The following PCDH15 variants were observed in gnomAD, a reference collection of about 807,000 sequenced individuals.
The protein encoded by PCDH15 is protocadherin related 15.
In PCDH15, 129 loss-of-function variants were observed where a neutral mutation model predicts 178.5. The ratio of observed to expected loss-of-function variants is 0.72; its 90% confidence interval spans 0.63 to 0.84. The LOEUF (loss-of-function observed/expected upper bound fraction) is 0.84, where lower values mean the gene tolerates loss of function less well. PCDH15 is among the 40% of genes least tolerant of loss of function. The pLI, the probability that PCDH15 is intolerant of heterozygous loss-of-function variation, is 0.00. For synonymous variants in PCDH15, 800 were observed against 732.0 expected, an observed-to-expected ratio of 1.09 and a Z score of -1.50; for missense variants, 2,230 against 2,099.9, an observed-to-expected ratio of 1.06 and a Z score of -1.21.
At chr10:54,724,596 A>G (rs1207447996) in intron 1 of PCDH15, among the ~76,000 whole-genome samples, 1 of 151,594 alleles carries the variant, frequency 6.6e-6, no homozygotes, top group Non-Finnish European at 1.5e-5. Flanking sequence ...CTGAAAAGTT[A>G]TATGTTAATT....
At chr10:55,043,478 G>A (rs2131979581) in intron 2 of PCDH15, among the ~76,000 whole-genome samples, 1 of 152,092 alleles carries the variant, frequency 6.6e-6, no homozygotes, top group East Asian at 1.9e-4. Flanking sequence ...GAGGACCCAG[G>A]CAGGAGGATT....
intron 2 of PCDH15, among the ~76,000 whole-genome samples, chr10:55,128,310 C>A (rs1837955808): frequency 6.6e-6 from 1 of 151,666 alleles, no homozygotes. Flanking sequence ...ATGGCCATTA[C>A]AGACTCAATG....
intron 3 of PCDH15, among the ~76,000 whole-genome samples, chr10:54,494,763 C>G (rs1170079566): frequency 6.6e-6 from 1 of 152,084 alleles, no homozygotes; most frequent in Non-Finnish European, 1.5e-5. Context: ...TGAATAGGGT[C>G]TCTCTTTGCT....
chr10:55,602,329 C>T (rs944858171), intron 2 of PCDH15, among the ~76,000 whole-genome samples: 14 of 145,896 alleles, frequency 9.6e-5, no homozygotes, highest in Non-Finnish European at 2.0e-4. Context: ...CCACAATTGC[C>T]CAGGCTTGCT....
chr10:55,388,356 C>A (rs1837711214), intron 2 of PCDH15, among the ~76,000 whole-genome samples: 1 of 151,932 alleles, frequency 6.6e-6, no homozygotes, highest in African/African-American at 2.4e-5. Flanking sequence ...ACCTTCATTT[C>A]TGTGCTTAAT....
At chr10:54,842,962 T>C (rs1953444449) in intron 3 of PCDH15, among the ~76,000 whole-genome samples, 1 of 151,910 alleles carries the variant, frequency 6.6e-6, no homozygotes, top group African/African-American at 2.4e-5. Flanking sequence ...GTTAATGTAA[T>C]GAAAACTGAC....
At chr10:53,818,717 A>C (rs1251738850) in intron 33 of PCDH15, among the ~76,000 whole-genome samples, 1 of 152,072 alleles carries the variant, frequency 6.6e-6, no homozygotes, top group Non-Finnish European at 1.5e-5. Flanking sequence ...TAAATAATGA[A>C]AATGTTCTAT....
intron 17 of PCDH15, among the ~76,000 whole-genome samples, chr10:54,067,332 T>C (rs1340206008): frequency 2.0e-5 from 3 of 152,168 alleles, no homozygotes; most frequent in Non-Finnish European, 4.4e-5. Flanking sequence ...AAATGAGCAT[T>C]TTCTGGAAAG....
chr10:54,296,386 G>C (rs534862796), intron 8 of PCDH15, among the ~76,000 whole-genome samples: 1 of 151,846 alleles, frequency 6.6e-6, no homozygotes, highest in African/African-American at 2.4e-5. Context: ...GAGGCTGAGC[G>C]GAACTCTCAA....
chr10:54,837,198 AG>A lies in PCDH15; in HGVS notation c.-29+60251del, dbSNP rs561441591. 2.7e-3 allele frequency among the ~76,000 whole-genome samples: 414 copies of A among 152,294 alleles called. 1 individual carries two copies. Among genetic ancestry groups the A allele is most frequent in the African/African-American group, 9.6e-3 (399 of 41,594 alleles). Reference sequence around the variant, plus strand: ...AAAGTTAGAATCAAAACTAAAAGTTAGTAGACAATGTCTACGAATTTGTAGA... The same window carrying A: ...AAAGTTAGAATCAAAACTAAAAGTTATAGACAATGTCTACGAATTTGTAGA... On this transcript the variant is annotated intron_variant, in intron 3 of 5. Transcript: ENST00000458638.
At chr10:54,882,359 T>C (rs934394352) in intron 3 of PCDH15, among the ~76,000 whole-genome samples, 3 of 152,030 alleles carry the variant, frequency 2.0e-5, no homozygotes, top group African/African-American at 4.8e-5. Flanking sequence ...TTTTCCCCCA[T>C]AGTCTCATAA....
chr10:54,303,206 C>A (rs944880888), intron 8 of PCDH15, among the ~76,000 whole-genome samples: 1 of 152,146 alleles, frequency 6.6e-6, no homozygotes, highest in Non-Finnish European at 1.5e-5. Flanking sequence ...CAGAGAATTG[C>A]TGATAAGGTC....
intron 8 of PCDH15, among the ~76,000 whole-genome samples, chr10:54,299,060 T>G (rs924854819): frequency 6.6e-6 from 1 of 152,132 alleles, no homozygotes; most frequent in Non-Finnish European, 1.5e-5. Context: ...AGTCTTATAC[T>G]GCCGAAGCCA....
At chr10:55,348,128 G>T (rs1025965461) in intron 2 of PCDH15, among the ~76,000 whole-genome samples, 1 of 152,030 alleles carries the variant, frequency 6.6e-6, no homozygotes, top group African/African-American at 2.4e-5. Context: ...TTATATATCT[G>T]CCTCTGTCAT....
intron 2 of PCDH15, among the ~76,000 whole-genome samples, chr10:55,463,897 GAGAGAAAGAAAGAAAGAAAGAAAGAA>G (rs1839737689): frequency 1.1e-4 from 13 of 123,738 alleles, no homozygotes; most frequent in African/African-American, 4.0e-4. Flanking sequence ...GAGGGAGAGA[GAGAGAAAGAAAGAAAGAAAGAAAGAA>G]AGAAAGAAAG....
intron 2 of PCDH15, among the ~76,000 whole-genome samples, chr10:55,575,015 C>T (rs1842471478): frequency 6.6e-6 from 1 of 151,868 alleles, no homozygotes; most frequent in South Asian, 2.1e-4. Context: ...TGTATAATTC[C>T]TTCAAATTAT....
intron 2 of PCDH15, among the ~76,000 whole-genome samples, chr10:55,413,342 A>G (rs2132037126): frequency 1.3e-5 from 2 of 151,832 alleles, no homozygotes; most frequent in Admixed American, 1.3e-4. Context: ...CTGTAGAAAT[A>G]AAATATTTAG....
At chr10:54,386,324 T>C (rs1270969107) in intron 3 of PCDH15, among the ~76,000 whole-genome samples, 1 of 152,050 alleles carries the variant, frequency 6.6e-6, no homozygotes, top group African/African-American at 2.4e-5. Flanking sequence ...TTATAAATTT[T>C]TGTTGGGCCA....
intron 28 of PCDH15, among the ~76,000 whole-genome samples, chr10:53,849,536 T>C (rs2078206125): frequency 6.6e-6 from 1 of 152,022 alleles, no homozygotes; most frequent in African/African-American, 2.4e-5. Flanking sequence ...ACTTGATAAG[T>C]GATTTGCTTT....
Sources: gnomAD v4.1 joint callset for allele counts (sites outside exome capture counted in the v4.1 genomes callset) on GRCh38, gnomAD v4.1.1 for gene constraint, MANE v1.5 for transcripts, NCBI Gene and HGNC (gene_info 2026-07-23, HGNC 2026-07-21) for gene names.